The following ANKRD33B variants were observed in gnomAD, a reference collection of about 807,000 sequenced individuals.
The protein encoded by ANKRD33B is ankyrin repeat domain-containing protein 33B.
A neutral mutation model predicts 21.5 loss-of-function variants in ANKRD33B; 6 were observed. The observed-to-expected ratio is 0.28, with a 90% CI of 0.15 to 0.55. ANKRD33B has a LOEUF of 0.55. Among genes scored for constraint, ANKRD33B ranks in the 20% least tolerant of loss-of-function variants. The pLI is 0.94. For missense variants in ANKRD33B, 698 were observed against 747.2 expected (o/e 0.93, Z 0.77); for synonymous variants, 347 against 342.4 (o/e 1.01, Z -0.15).
At position 10,613,767 on chromosome 5, in the gene ANKRD33B, G is replaced by A. The variant is rs138400275; in HGVS notation, c.367-4566G>A. 7.9e-3 allele frequency among the ~76,000 whole-genome samples: 1,203 copies of A among 151,990 alleles called. 20 individuals are homozygous for A. Among genetic ancestry groups the A allele is most frequent in the African/African-American group, 0.027 (1,127 of 41,468 alleles). ...ATACAAAAATTGGCTGGGCATGGTG[G>A]CATGCGCCTGTAGTCCCAGCTACTT... On this transcript the variant is annotated intron_variant, in intron 1 of 3. Transcript: ENST00000296657.
At chr5:10,600,627 T>C (rs1735908324) in intron 1 of ANKRD33B, among the ~76,000 whole-genome samples, 2 of 152,260 alleles carry the variant, frequency 1.3e-5, no homozygotes, top group Admixed American at 1.3e-4. Flanking sequence ...CTGAACATTC[T>C]TGTATACATC....
At chr5:10,594,102 C>T (rs545631327) in intron 1 of ANKRD33B, among the ~76,000 whole-genome samples, 5 of 152,032 alleles carry the variant, frequency 3.3e-5, no homozygotes, top group African/African-American at 1.2e-4. Context: ...AGACCTATTC[C>T]TTATTTAAAG....
intron 3 of ANKRD33B, among the ~76,000 whole-genome samples, chr5:10,645,283 A>G (rs937731691): frequency 2.0e-5 from 3 of 151,712 alleles, no homozygotes; most frequent in Non-Finnish European, 4.4e-5. Flanking sequence ...GGGAGACCTG[A>G]GCTAGGGTTT....
intron 1 of ANKRD33B, among the ~76,000 whole-genome samples, chr5:10,594,078 C>T (rs1735765563): frequency 6.6e-6 from 1 of 152,150 alleles, no homozygotes; most frequent in South Asian, 2.1e-4. Context: ...GGCAGGAATT[C>T]TCTTCATTGT....
intron 1 of ANKRD33B, among the ~76,000 whole-genome samples, chr5:10,565,401 C>A (rs1400792805): frequency 6.6e-6 from 1 of 152,224 alleles, no homozygotes; most frequent in Non-Finnish European, 1.5e-5. Context: ...GGTCCCCTAC[C>A]CCACCTCCGC....
chr5:10,612,367 G>C (rs1736190155), intron 1 of ANKRD33B, among the ~76,000 whole-genome samples: 1 of 152,244 alleles, frequency 6.6e-6, no homozygotes, highest in South Asian at 2.1e-4. Context: ...AGGCAAGGCA[G>C]CTCTCTGGGT....
At chr5:10,646,979 CATGGGAT>C (rs1711947220) in intron 3 of ANKRD33B, among the ~76,000 whole-genome samples, 1 of 152,224 alleles carries the variant, frequency 6.6e-6, no homozygotes, top group African/African-American at 2.4e-5. Context: ...CCTGGGTCTG[CATGGGAT>C]ATAAATGAAG....
At position 10,656,994 on chromosome 5, in the gene ANKRD33B, C is replaced by T. The variant is rs62339301; in HGVS notation, c.*6881C>T. 6.6e-6 allele frequency: 1 copy of T among 152,082 alleles called. No individual in the cohort carries two copies. Among genetic ancestry groups the T allele is most frequent in the Admixed American group, 6.5e-5 (1 of 15,272 alleles). 9.4% of individuals were successfully genotyped at this position (152,082 alleles called of 1,614,324 possible). ...TTTTAAATAAGAAAAAAAAAAACCCCACGAAACTTTCCATCAAAGCAATGG... is the reference window on the plus strand; with the variant it reads ...TTTTAAATAAGAAAAAAAAAAACCCTACGAAACTTTCCATCAAAGCAATGG... On this transcript the variant is annotated 3_prime_UTR_variant, in exon 4 of 4. Coordinates refer to ENST00000296657, the MANE Select transcript of ANKRD33B (RefSeq NM_001164440.2).
chr5:10,619,747 G>T lies in ANKRD33B; in HGVS notation c.496+1285G>T, dbSNP rs879904066. ...GGCTTTGTAAGGCATTCAGTGATTC[G>T]TTTCCTCTCGTGGGCCAGCTGCCAT... On this transcript the variant is annotated intron_variant, in intron 2 of 3. Transcript: ENST00000296657. This position sits in a 1 kb window ranked among gnomAD's most constrained non-coding sequence, Gnocchi z 4.5. Among the ~76,000 whole-genome samples the T allele has an allele frequency of 2.6e-5, 4 of 152,148 alleles. No individual in the cohort carries two copies. Among genetic ancestry groups the T allele is most frequent in the Admixed American group, 1.3e-4 (2 of 15,268 alleles).
intron 3 of ANKRD33B, among the ~76,000 whole-genome samples, chr5:10,648,711 A>T (rs993923328): frequency 5.9e-5 from 9 of 151,806 alleles, no homozygotes; most frequent in African/African-American, 2.2e-4. Flanking sequence ...GTGAACGGAG[A>T]TTGTGCCATT....
chr5:10,656,673 G>A lies in ANKRD33B; in HGVS notation c.*6560G>A, dbSNP rs2279327. On this transcript the variant is annotated 3_prime_UTR_variant, in exon 4 of 4. Coordinates refer to ENST00000296657, the MANE Select transcript of ANKRD33B (RefSeq NM_001164440.2). ...ACAGCCCAGGTCTTTATTGAAAGGC[G>A]GCTCATATAGAACCCATTTGGCCAG... 0.32 allele frequency: 48,972 copies of A among 152,202 alleles called. 7,884 individuals carry two copies. The highest frequency in any genetic ancestry group is 0.36 in the African/African-American group (15,120 of 41,472). 9.4% of individuals were successfully genotyped at this position (152,202 alleles called of 1,614,324 possible).
intron 1 of ANKRD33B, among the ~76,000 whole-genome samples, chr5:10,586,096 A>G (rs1385332043): frequency 1.3e-5 from 2 of 152,070 alleles, no homozygotes; most frequent in Admixed American, 1.3e-4. Flanking sequence ...GCTCCATGCT[A>G]ATTGCATAGC....
intron 1 of ANKRD33B, among the ~76,000 whole-genome samples, chr5:10,601,369 C>T (rs1439518708): frequency 2.6e-5 from 4 of 152,216 alleles, no homozygotes; most frequent in African/African-American, 9.6e-5. Flanking sequence ...CGCCTTTGCA[C>T]ATGCTTGCCT....
chr5:10,604,824 T>G (rs932000197), intron 1 of ANKRD33B, among the ~76,000 whole-genome samples: 2 of 152,258 alleles, frequency 1.3e-5, no homozygotes, highest in Non-Finnish European at 2.9e-5. Flanking sequence ...GTCATTATTC[T>G]ATCCTTATGA....
chr5:10,589,148 A>G (rs1408201490), intron 1 of ANKRD33B, among the ~76,000 whole-genome samples: 1 of 152,070 alleles, frequency 6.6e-6, no homozygotes, highest in Non-Finnish European at 1.5e-5. Flanking sequence ...CTTCCTTCAA[A>G]TGAACTAATC....
In ANKRD33B at chr5:10,612,202, C is replaced by T. The variant is rs145294573; in HGVS notation, c.367-6131C>T. On this transcript the variant is annotated intron_variant, in intron 1 of 3. Transcript: ENST00000296657. Reference sequence around the variant, plus strand: ...AGCTTAATTAGATGATGTCTTAGTCCGTTTAGGCTGCTATAGCAAAATACA... The same window carrying T: ...AGCTTAATTAGATGATGTCTTAGTCTGTTTAGGCTGCTATAGCAAAATACA... 1.4e-4 allele frequency among the ~76,000 whole-genome samples: 21 copies of T among 152,302 alleles called. No homozygotes were observed. The East Asian group carries it at 2.9e-3, about 21-fold the overall frequency.
intron 2 of ANKRD33B, among the ~76,000 whole-genome samples, chr5:10,632,212 C>T (rs562680117): frequency 5.9e-5 from 9 of 152,098 alleles, no homozygotes; most frequent in South Asian, 2.1e-4. Context: ...GGGGGAAAGC[C>T]GAGGGACTTC....
At chr5:10,591,200 T>TTTTTTTG (rs1217705730) in intron 1 of ANKRD33B, among the ~76,000 whole-genome samples, 1 of 141,754 alleles carries the variant, frequency 7.1e-6, no homozygotes, top group African/African-American at 2.6e-5. Context: ...TAGTGGTTTT[T>TTTTTTTG]TTTTTTTTTT....
At chr5:10,642,741 T>C (rs1737092273) in intron 3 of ANKRD33B, among the ~76,000 whole-genome samples, 1 of 152,216 alleles carries the variant, frequency 6.6e-6, no homozygotes, top group Non-Finnish European at 1.5e-5. Flanking sequence ...AGTTTATGTG[T>C]TCAATAGTTA....
Sources: allele counts gnomAD v4.1 joint callset (sites outside exome capture counted in the v4.1 genomes callset), GRCh38; gene constraint gnomAD v4.1.1; non-coding constraint Gnocchi (gnomAD v3.1); transcripts MANE v1.5; gene names NCBI Gene and HGNC (gene_info 2026-07-23, HGNC 2026-07-21).